CWC22: variants seen among roughly 807,000 people sequenced by gnomAD.
CWC22 encodes CWC22 spliceosome associated protein, also known as pre-mRNA-splicing factor CWC22 homolog.
In CWC22, 53 loss-of-function variants were observed where a neutral mutation model predicts 117.2. That is an observed-to-expected ratio of 0.45 (90% confidence interval 0.36 to 0.57). The LOEUF is 0.57. Ranked by LOEUF, CWC22 falls within the 20% of genes least tolerant of loss-of-function variation. The probability of loss-of-function intolerance (pLI) is 0.00; values close to 1 mark genes in which losing one functional copy is unlikely to be tolerated. For synonymous variants in CWC22, 360 were observed against 355.6 expected (o/e 1.01, Z -0.14); for missense variants, 980 against 1,068.8 (o/e 0.92, Z 1.16).
intron 6 of CWC22, among the ~76,000 whole-genome samples, chr2:179,976,532 C>G (rs945706023): frequency 3.3e-5 from 5 of 152,020 alleles, no homozygotes; most frequent in African/African-American, 4.8e-5. Flanking sequence ...GGGTTAATAT[C>G]CAAAACACAT....
chr2:179,977,582 A>T (rs1687182849), intron 6 of CWC22, among the ~76,000 whole-genome samples: 1 of 152,200 alleles, frequency 6.6e-6, no homozygotes, highest in Non-Finnish European at 1.5e-5. Flanking sequence ...GGGAATTTAG[A>T]TGTTGGTCAA....
At chr2:179,947,665 A>C (rs911294276) in intron 19 of CWC22, among the ~76,000 whole-genome samples, 2 of 152,230 alleles carry the variant, frequency 1.3e-5, no homozygotes, top group African/African-American at 4.8e-5. Flanking sequence ...TTAAATGAAC[A>C]ATGTTTGTAC....
intron 1 of CWC22, among the ~76,000 whole-genome samples, chr2:179,996,312 C>A (rs73036160): frequency 6.6e-6 from 1 of 151,762 alleles, no homozygotes; most frequent in African/African-American, 2.4e-5. Flanking sequence ...ACATATGGAA[C>A]GATGCAAAGA....
At chr2:179,963,631 C>T (rs975732961) in intron 13 of CWC22, among the ~76,000 whole-genome samples, 9 of 151,718 alleles carry the variant, frequency 5.9e-5, no homozygotes, top group Non-Finnish European at 1.2e-4. Flanking sequence ...CGTGAGCCAC[C>T]GCGCCCGGCC....
chr2:179,945,073 A>G lies in CWC22; in HGVS notation c.*56T>C. On this transcript the variant is annotated 3_prime_UTR_variant, in exon 20 of 20. Coordinates refer to ENST00000410053, the MANE Select transcript of CWC22 (RefSeq NM_020943.3). ...TCTCTATAAAGTTCGTCAAAGTAAA[A>G]AATAATTTGTTTCAACTGAATATAA... is the stretch of plus-strand genomic sequence containing the variant. The G allele has an allele frequency of 1.6e-6, 2 of 1,261,958 alleles. No individual in the cohort carries two copies. Among genetic ancestry groups the G allele is most frequent in the Non-Finnish European group, 2.2e-6 (2 of 920,160 alleles). 78.2% of individuals were successfully genotyped at this position (1,261,958 alleles called of 1,614,324 possible).
At chr2:179,986,882 T>C in intron 3 of CWC22, 77 bp from the exon 4 acceptor site, 2 of 752,026 alleles carry the variant, frequency 2.7e-6, no homozygotes, top group Non-Finnish European at 4.2e-6. Flanking sequence ...CATATATTGG[T>C]AATGGTAAAG....
rs187730537 is a variant in CWC22 at position 180,004,388 on chromosome 2, C to A, written c.-114+2479G>T. On this transcript the variant is annotated intron_variant, in intron 1 of 19. Transcript: ENST00000410053. ...GGAAGGAGAGTTAACTTCTTTTTTT[C>A]TTCTTCTTCTTTTTTTTTCTTGAGA... Among the ~76,000 whole-genome samples the A allele has an allele frequency of 2.0e-5, 3 of 151,980 alleles. No homozygotes were observed. In the East Asian group the frequency reaches 5.8e-4, roughly 29 times the overall value.
chr2:179,984,007 T>C (rs1346508703), intron 4 of CWC22, among the ~76,000 whole-genome samples: 2 of 152,116 alleles, frequency 1.3e-5, no homozygotes, highest in Non-Finnish European at 2.9e-5. Context: ...AAAGTCTAAA[T>C]AGAAACATTT....
chr2:179,966,004 T>G, intron 11 of CWC22, 22 bp from the exon 12 acceptor site: 1 of 1,585,642 alleles, frequency 6.3e-7, no homozygotes, highest in Non-Finnish European at 8.6e-7. Context: ...AAAGTAAGTT[T>G]AGGAAAAAAA....
chr2:179,956,512 A>T (rs1285045777), intron 14 of CWC22, among the ~76,000 whole-genome samples: 1 of 151,312 alleles, frequency 6.6e-6, no homozygotes, highest in Admixed American at 6.6e-5. Context: ...TCAAGGAACA[A>T]TCTACTCAAA....
chr2:179,970,246 T>C (rs1686996631), intron 11 of CWC22, among the ~76,000 whole-genome samples: 1 of 152,080 alleles, frequency 6.6e-6, no homozygotes, highest in Admixed American at 6.6e-5. Flanking sequence ...TTTCTTAAGA[T>C]GGGTGAGACG....
chr2:179,951,741 A>G (rs984256080), intron 17 of CWC22, among the ~76,000 whole-genome samples: 2 of 152,242 alleles, frequency 1.3e-5, no homozygotes, highest in Admixed American at 6.5e-5. Flanking sequence ...AAGTATATGA[A>G]GCCAAGAGAA....
At chr2:179,973,487 C>A in intron 7 of CWC22, 147 bp downstream of exon 7, 1 of 658,240 alleles carries the variant, frequency 1.5e-6, no homozygotes. Context: ...GGATATTTAA[C>A]AGATCAAAGA....
chr2:179,983,472 C>T (rs1438084428), intron 4 of CWC22, among the ~76,000 whole-genome samples: 1 of 152,086 alleles, frequency 6.6e-6, no homozygotes, highest in African/African-American at 2.4e-5. Flanking sequence ...CATAGTATTC[C>T]ATGGTGTATA....
chr2:179,980,286 C>T (rs1687253842), intron 5 of CWC22, among the ~76,000 whole-genome samples: 1 of 152,120 alleles, frequency 6.6e-6, no homozygotes, highest in South Asian at 2.1e-4. Context: ...CTGCCAAGCG[C>T]TAAAATATGA....
intron 13 of CWC22, among the ~76,000 whole-genome samples, chr2:179,960,497 A>G (rs1163420967): frequency 6.6e-6 from 1 of 152,068 alleles, no homozygotes; most frequent in Non-Finnish European, 1.5e-5. Flanking sequence ...TAACATTTTT[A>G]AGAAATACAT....
intron 8 of CWC22, among the ~76,000 whole-genome samples, chr2:179,971,652 C>T (rs1366036955): frequency 8.5e-5 from 13 of 152,080 alleles, no homozygotes; most frequent in Admixed American, 8.5e-4. Flanking sequence ...TTAAATCAAA[C>T]TATTACTGGC....
chr2:179,968,086 A>G (rs1445054798), intron 11 of CWC22, among the ~76,000 whole-genome samples: 1 of 152,212 alleles, frequency 6.6e-6, no homozygotes, highest in Admixed American at 6.5e-5. Context: ...GTATTATATC[A>G]ACATGTTAAT....
At chr2:179,992,825 C>T (rs572655441) in intron 2 of CWC22, among the ~76,000 whole-genome samples, 1 of 152,348 alleles carries the variant, frequency 6.6e-6, no homozygotes, top group South Asian at 2.1e-4. Flanking sequence ...TGAACGCACA[C>T]TGTCTAAAGT....
Sources: allele counts gnomAD v4.1 joint callset (sites outside exome capture counted in the v4.1 genomes callset), GRCh38; gene constraint gnomAD v4.1.1; transcripts MANE v1.5; gene names NCBI Gene and HGNC (gene_info 2026-07-23, HGNC 2026-07-21).